Variants in ARSG observed in about 807,000 individuals in gnomAD.
The protein encoded by ARSG is arylsulfatase G.
In ARSG, 37 loss-of-function variants were observed where a neutral mutation model predicts 50.5. The observed-to-expected ratio is 0.73, with a 90% CI of 0.56 to 0.96. The LOEUF (loss-of-function observed/expected upper bound fraction) is 0.96, where lower values mean the gene tolerates loss of function less well. Ranked by LOEUF, ARSG falls within the 50% of genes least tolerant of loss-of-function variation. ARSG has a pLI of 0.00. For synonymous variants in ARSG, 225 were observed against 254.6 expected, an observed-to-expected ratio of 0.88 and a Z score of 1.11; for missense variants, 629 against 675.3, an observed-to-expected ratio of 0.93 and a Z score of 0.76.
intron 1 of ARSG, among the ~76,000 whole-genome samples, chr17:68,304,743 T>C (rs1225402903): frequency 1.3e-5 from 2 of 152,368 alleles, no homozygotes; most frequent in Non-Finnish European, 1.5e-5. Flanking sequence ...TTGGACAGGC[T>C]GATCTTGAAC....
chr17:68,261,270 G>T (rs1676787001), intron 1 of ARSG, among the ~76,000 whole-genome samples: 1 of 152,168 alleles, frequency 6.6e-6, no homozygotes, highest in South Asian at 2.1e-4. Context: ...CGCCTACTGG[G>T]TGCCAGGCCC....
At chr17:68,338,371 A>G (rs2078122550) in intron 2 of ARSG, among the ~76,000 whole-genome samples, 1 of 152,032 alleles carries the variant, frequency 6.6e-6, no homozygotes, top group African/African-American at 2.4e-5. Flanking sequence ...TTAAAACTTC[A>G]CTTTATCTCA....
intron 7 of ARSG, among the ~76,000 whole-genome samples, chr17:68,369,513 C>T (rs562365235): frequency 2.6e-4 from 39 of 151,720 alleles, no homozygotes; most frequent in African/African-American, 9.4e-4. Context: ...GCACTCCAGC[C>T]TGGGAGACAG....
intron 2 of ARSG, among the ~76,000 whole-genome samples, chr17:68,338,989 G>T (rs1422738806): frequency 1.3e-5 from 2 of 152,180 alleles, no homozygotes; most frequent in Admixed American, 1.3e-4. Flanking sequence ...TTATAAATCA[G>T]TAGCTTTCTC....
In ARSG at chr17:68,271,419, T is replaced by G; in HGVS notation, c.-552+11993T>G. 6.2e-7 allele frequency: 1 copy of G among 1,614,232 alleles called. No individual in the cohort carries two copies. The highest frequency in any genetic ancestry group is 8.5e-7 in the Non-Finnish European group (1 of 1,180,054). ...TAGTGTGAGTAGGCACATTTTTAGG[T>G]GAGGTAGTTAGTTCTACTCCTGAGT... On this transcript the variant is annotated intron_variant, in intron 1 of 11. Coordinates refer to the ARSG transcript ENST00000448504. The surrounding 1 kb of genome is among the most constrained non-coding windows in gnomAD (Gnocchi z 5.3).
chr17:68,431,670 C>T, the ARSG span, among the ~76,000 whole-genome samples: 5 of 14,740 alleles, frequency 3.4e-4, no homozygotes, highest in Non-Finnish European at 7.1e-4. Context: ...TGGACCAGCA[C>T]GAGGTGCTAA....
intron 1 of ARSG, among the ~76,000 whole-genome samples, chr17:68,261,445 T>A (rs1280314545): frequency 1.3e-5 from 2 of 152,164 alleles, no homozygotes; most frequent in Non-Finnish European, 2.9e-5. Flanking sequence ...AGTGGTGTGA[T>A]CTTGGCTCAC....
At chr17:68,335,986 C>T (rs1444820135) in intron 2 of ARSG, among the ~76,000 whole-genome samples, 3 of 151,992 alleles carry the variant, frequency 2.0e-5, no homozygotes, top group Non-Finnish European at 4.4e-5. Context: ...GCAACCTCTG[C>T]CTCCCAGTTT....
rs186814475 is a variant in ARSG at position 68,340,282 on chromosome 17, G to A, written c.219-3322G>A. Reference sequence around the variant, plus strand: ...TGGCTTACAATCAAATACACTAATTGTTCTTTTTGTGTGTGTGTGTGTGAC... The same window carrying A: ...TGGCTTACAATCAAATACACTAATTATTCTTTTTGTGTGTGTGTGTGTGAC... On this transcript the variant is annotated intron_variant, in intron 2 of 11. Coordinates refer to ENST00000621439, the MANE Select transcript of ARSG (RefSeq NM_001267727.2). Among the ~76,000 whole-genome samples the A allele has an allele frequency of 6.0e-4, 90 of 151,012 alleles. No individual in the cohort carries two copies. The Middle Eastern group carries it at 0.017, about 29-fold the overall frequency.
chr17:68,415,142 T>C (rs1461265246), intron 11 of ARSG, among the ~76,000 whole-genome samples: 1 of 152,130 alleles, frequency 6.6e-6, no homozygotes, highest in Non-Finnish European at 1.5e-5. Context: ...CTTTCAGTCT[T>C]TTTGATGTAG....
intron 9 of ARSG, among the ~76,000 whole-genome samples, chr17:68,392,569 G>T (rs931757499): frequency 6.6e-6 from 1 of 152,038 alleles, no homozygotes. Context: ...GTGCAATCTC[G>T]GCTCACTGCA....
chr17:68,408,252 C>T lies in ARSG; in HGVS notation c.1303+6802C>T, dbSNP rs1407448223. The stretch of plus-strand genomic sequence containing the variant: ...ACTCGTCATCTAGCATTAGGCATAT[C>T]TCCCAATGCTATCCCTCCCCCCTCC... On this transcript the variant is annotated intron_variant, in intron 11 of 11. Coordinates refer to ENST00000621439, the MANE Select transcript of ARSG (RefSeq NM_001267727.2). Among the ~76,000 whole-genome samples, 5 of 150,396 alleles carry T rather than the reference C, an allele frequency of 3.3e-5. No individual in the cohort carries two copies. The East Asian group carries it at 9.9e-4, about 30-fold the overall frequency.
chr17:68,431,702 C>A, the ARSG span, among the ~76,000 whole-genome samples: 9 of 9,168 alleles, frequency 9.8e-4, no homozygotes, highest in African/African-American at 5.0e-3. Flanking sequence ...AGGGCCCTGG[C>A]CAGCGAAGCA....
chr17:68,370,536 A>G lies in ARSG; in HGVS notation c.982+12A>G. The G allele has an allele frequency of 6.2e-7, 1 of 1,613,168 alleles. No individual in the cohort carries two copies. Among genetic ancestry groups the G allele is most frequent in the East Asian group, 2.2e-5 (1 of 44,824 alleles). ...GCAAACTCGTCAAGGTAAGGGGCTCAGCTGGGGTTGGTGGATCCCATTGCA... is the reference window on the plus strand; with the variant it reads ...GCAAACTCGTCAAGGTAAGGGGCTCGGCTGGGGTTGGTGGATCCCATTGCA... On this transcript the variant is annotated intron_variant, in intron 8 of 11. Transcript: ENST00000621439.
At chr17:68,312,499 G>A (rs150077232) in intron 2 of ARSG, among the ~76,000 whole-genome samples, 1 of 151,994 alleles carries the variant, frequency 6.6e-6, no homozygotes, top group African/African-American at 2.4e-5. Context: ...TGAGATTTGC[G>A]AGGCCTACAC....
chr17:68,346,797 T>C, intron 3 of ARSG: 1 of 1,322,630 alleles, frequency 7.6e-7, no homozygotes, highest in South Asian at 1.2e-5. Context: ...GAGGGCAAAG[T>C]GAAGGAGCCC....
At chr17:68,433,651 T>A in the ARSG span, 2 of 1,229,668 alleles carry the variant, frequency 1.6e-6, no homozygotes, top group Non-Finnish European at 1.2e-6. Flanking sequence ...AGATCAGCTT[T>A]ATAAGAAAAT....
upstream of ARSG, among the ~76,000 whole-genome samples, chr17:68,289,940 A>G (rs1374709418): frequency 7.9e-5 from 12 of 152,200 alleles, no homozygotes; most frequent in African/African-American, 2.9e-4. Flanking sequence ...AGGGGTTTCT[A>G]TTATATCATC....
At chr17:68,338,520 C>T (rs890255078) in intron 2 of ARSG, among the ~76,000 whole-genome samples, 1 of 152,132 alleles carries the variant, frequency 6.6e-6, no homozygotes, top group Non-Finnish European at 1.5e-5. Context: ...GAATCAGACA[C>T]GCCTGAGTCC....
Sources: allele counts gnomAD v4.1 joint callset (sites outside exome capture counted in the v4.1 genomes callset), GRCh38; gene constraint gnomAD v4.1.1; non-coding constraint Gnocchi (gnomAD v3.1); transcripts MANE v1.5; gene names NCBI Gene and HGNC (gene_info 2026-07-23, HGNC 2026-07-21).